The following GLYATL3 variants were observed in gnomAD, a reference collection of about 807,000 sequenced individuals.
GLYATL3 encodes the protein glycine N-acyltransferase-like protein 3.
Under a neutral mutation model 28.5 loss-of-function variants are expected in GLYATL3, and 31 were observed. That is an observed-to-expected ratio of 1.09 (90% CI 0.82 to 1.47). GLYATL3 has a LOEUF of 1.47. Ranked by LOEUF, GLYATL3 falls within the 40% of genes most tolerant of loss-of-function variation. The pLI, the probability that GLYATL3 is intolerant of heterozygous loss-of-function variation, is 0.00. For missense variants in GLYATL3, 369 were observed against 351.5 expected (o/e 1.05, Z -0.40); for synonymous variants, 141 against 140.2 (o/e 1.01, Z -0.04).
intron 1 of GLYATL3, among the ~76,000 whole-genome samples, chr6:49,510,499 C>A (rs137930591): frequency 6.6e-6 from 1 of 152,328 alleles, no homozygotes; most frequent in East Asian, 1.9e-4. Context: ...TTAAGAGGTT[C>A]ACATTCCACT....
chr6:49,506,272 A>T (rs1226902516), intron 1 of GLYATL3, among the ~76,000 whole-genome samples: 1 of 152,208 alleles, frequency 6.6e-6, no homozygotes, highest in Non-Finnish European at 1.5e-5. Context: ...AAAACATTGA[A>T]TTAATTCATC....
At chr6:49,509,298 G>A (rs907188611) in intron 1 of GLYATL3, among the ~76,000 whole-genome samples, 7 of 152,120 alleles carry the variant, frequency 4.6e-5, no homozygotes, top group Admixed American at 4.6e-4. Context: ...GTCAGCCTCT[G>A]GTTATGGTAT....
chr6:49,502,482 A>G (rs1171176970), intron 1 of GLYATL3, among the ~76,000 whole-genome samples: 1 of 152,234 alleles, frequency 6.6e-6, no homozygotes, highest in East Asian at 1.9e-4. Flanking sequence ...GAACAGACTC[A>G]TTACATTGAA....
chr6:49,507,971 C>T (rs894837144), intron 1 of GLYATL3, among the ~76,000 whole-genome samples: 7 of 152,042 alleles, frequency 4.6e-5, no homozygotes, highest in Admixed American at 6.6e-5. Flanking sequence ...TATCTGTATG[C>T]AGAAGTACAG....
At chr6:49,515,326 GC>G (rs1769196300) in intron 2 of GLYATL3, among the ~76,000 whole-genome samples, 1 of 152,128 alleles carries the variant, frequency 6.6e-6, no homozygotes, top group African/African-American at 2.4e-5. Flanking sequence ...GATTCATTCA[GC>G]AAGTATTTAC....
chr6:49,515,668 A>T lies in GLYATL3; in HGVS notation c.94A>T (p.Met32Leu), dbSNP rs1464039383. 7.1e-6 allele frequency: 11 copies of T among 1,548,678 alleles called. No individual in the cohort carries two copies. The Admixed American group carries it at 1.4e-4, about 19-fold the overall frequency. ...TCTGACTCAGGTTTACGGAGCGGTG[A>T]TGAACATAAATCGTGGGAACCCCTT... is the stretch of plus-strand genomic sequence containing the variant. ...PESLKVYGAV[M>L]NINRGNPFQK... The change falls in exon 3 of 6, where the codon ATG (methionine) becomes TTG (leucine). Residue 32 changes from methionine (M) to leucine (L), a missense_variant. Coordinates refer to ENST00000371197, the MANE Select transcript of GLYATL3 (RefSeq NM_001010904.2).
rs1769317622 is a variant in GLYATL3, at chr6:49,521,628, T to C, written c.314-17T>C. Reference sequence around the variant, plus strand: ...ACTAAAATGCCCACATATTAAATTATGTCTTTCTATACACAGGGCTGCAGA... The same window carrying C: ...ACTAAAATGCCCACATATTAAATTACGTCTTTCTATACACAGGGCTGCAGA... On this transcript the variant is annotated splice_polypyrimidine_tract_variant and intron_variant, in intron 4 of 5. Transcript: ENST00000371197. 1.3e-6 allele frequency: 2 copies of C among 1,527,432 alleles called. No homozygotes were observed. The highest frequency in any genetic ancestry group is 2.5e-5 in the East Asian group (1 of 40,758). 94.6% of individuals were successfully genotyped at this position (1,527,432 alleles called of 1,614,324 possible).
chr6:49,514,163 C>A (rs1451157068), intron 2 of GLYATL3, among the ~76,000 whole-genome samples: 1 of 152,208 alleles, frequency 6.6e-6, no homozygotes, highest in East Asian at 1.9e-4. Context: ...TCCTTCCCAC[C>A]TGCAATGCCC....
At chr6:49,500,605 C>A (rs1221562461) in intron 1 of GLYATL3, among the ~76,000 whole-genome samples, 1 of 152,120 alleles carries the variant, frequency 6.6e-6, no homozygotes, top group Non-Finnish European at 1.5e-5. Flanking sequence ...CAAATGCCCC[C>A]AAAGAAACTT....
At chr6:49,521,897 A>C (rs1184932461) in intron 5 of GLYATL3, 126 bp downstream of exon 5, 9 of 768,154 alleles carry the variant, frequency 1.2e-5, no homozygotes, top group Non-Finnish European at 1.9e-5. Flanking sequence ...CATTGAGCAC[A>C]AACGGGAGTA....
intron 1 of GLYATL3, among the ~76,000 whole-genome samples, chr6:49,509,960 TTCTTTCTTTCTTTCTTTC>T (rs1769086476): frequency 8.5e-6 from 1 of 117,524 alleles, no homozygotes; most frequent in Non-Finnish European, 2.0e-5. Context: ...CTTTCTTTCT[TTCTTTCTTTCTTTCTTTC>T]TTTCTTTCTT....
chr6:49,515,854 T>A, intron 3 of GLYATL3, 94 bp downstream of exon 3: 1 of 709,146 alleles, frequency 1.4e-6, no homozygotes, highest in African/African-American at 2.1e-5. Context: ...CCATTTACAT[T>A]AGCTTACAAC....
At chr6:49,510,482 A>C (rs1486830769) in intron 1 of GLYATL3, among the ~76,000 whole-genome samples, 1 of 152,226 alleles carries the variant, frequency 6.6e-6, no homozygotes, top group African/African-American at 2.4e-5. Flanking sequence ...CTAGACATCA[A>C]ACCTAATTAA....
chr6:49,506,865 C>T (rs1017709632), intron 1 of GLYATL3, among the ~76,000 whole-genome samples: 4 of 151,996 alleles, frequency 2.6e-5, no homozygotes, highest in Non-Finnish European at 2.9e-5. Flanking sequence ...GGCACCAGGA[C>T]GTGGACTGGG....
At chr6:49,524,744 C>A (rs143728860) in intron 5 of GLYATL3, among the ~76,000 whole-genome samples, 4 of 151,532 alleles carry the variant, frequency 2.6e-5, no homozygotes, top group African/African-American at 9.7e-5. Context: ...CAGCACTTGC[C>A]GAGGCGGGTA....
chr6:49,504,033 G>A (rs970002880), intron 1 of GLYATL3, among the ~76,000 whole-genome samples: 5 of 152,052 alleles, frequency 3.3e-5, no homozygotes, highest in African/African-American at 1.2e-4. Flanking sequence ...GCTCGAATAA[G>A]AAGAAGAAAA....
chr6:49,523,710 G>A (rs540689529), intron 5 of GLYATL3, among the ~76,000 whole-genome samples: 14 of 152,048 alleles, frequency 9.2e-5, no homozygotes, highest in Non-Finnish European at 1.8e-4. Flanking sequence ...TCATATTTCC[G>A]ATATTGTCGT....
chr6:49,519,188 C>G (rs951592549), intron 4 of GLYATL3, among the ~76,000 whole-genome samples: 2 of 152,034 alleles, frequency 1.3e-5, no homozygotes, highest in African/African-American at 4.8e-5. Flanking sequence ...GTGCTAGAGG[C>G]CTATTATCAC....
At chr6:49,524,992 G>A (rs9463498) in intron 5 of GLYATL3, among the ~76,000 whole-genome samples, 1,762 of 112,998 alleles carry the variant, frequency 0.016, 16 homozygotes, top group African/African-American at 0.043. Context: ...AAAAAAAAAA[G>A]AACAAACATT....
Sources: allele counts gnomAD v4.1 joint callset (sites outside exome capture counted in the v4.1 genomes callset), GRCh38; gene constraint gnomAD v4.1.1; transcripts MANE v1.5; gene names NCBI Gene and HGNC (gene_info 2026-07-23, HGNC 2026-07-21).